Variants in CCDC102B observed in about 807,000 individuals in gnomAD.
The protein encoded by CCDC102B is coiled-coil domain-containing protein 102B.
A neutral mutation model predicts 57.4 loss-of-function variants in CCDC102B; 75 were observed. The observed-to-expected ratio is 1.31, with a 90% CI of 1.08 to 1.58. The LOEUF (loss-of-function observed/expected upper bound fraction) is 1.58, where lower values mean the gene tolerates loss of function less well. Ranked by LOEUF, CCDC102B falls within the 40% of genes most tolerant of loss-of-function variation. The pLI, the probability that CCDC102B is intolerant of heterozygous loss-of-function variation, is 0.00. For missense variants in CCDC102B, 636 were observed against 582.6 expected, an observed-to-expected ratio of 1.09 and a Z score of -0.94; for synonymous variants, 206 against 201.9, an observed-to-expected ratio of 1.02 and a Z score of -0.17.
intron 1 of CCDC102B, among the ~76,000 whole-genome samples, chr18:68,835,274 G>A (rs1182377890): frequency 6.6e-6 from 1 of 152,096 alleles, no homozygotes; most frequent in Admixed American, 6.6e-5. Flanking sequence ...TCTGTGTAGT[G>A]TTATCTATGC....
At chr18:68,771,541 C>G (rs1439038595) in intron 2 of CCDC102B, among the ~76,000 whole-genome samples, 1 of 152,142 alleles carries the variant, frequency 6.6e-6, no homozygotes, top group African/African-American at 2.4e-5. Flanking sequence ...ATCTTGCTCT[C>G]TGGGGTTTAG....
chr18:68,743,347 G>A (rs2033481114), intron 2 of CCDC102B, among the ~76,000 whole-genome samples: 2 of 152,172 alleles, frequency 1.3e-5, no homozygotes, highest in Admixed American at 6.5e-5. Context: ...GGTGGAGCCT[G>A]CAGTGAGCCA....
chr18:68,925,766 G>A (rs996459080), intron 6 of CCDC102B, among the ~76,000 whole-genome samples: 2 of 151,786 alleles, frequency 1.3e-5, no homozygotes, highest in African/African-American at 4.8e-5. Flanking sequence ...GTTTTATAAG[G>A]GTACATGCCA....
chr18:68,801,180 C>G (rs1031711560), intron 1 of CCDC102B, among the ~76,000 whole-genome samples: 1 of 151,954 alleles, frequency 6.6e-6, no homozygotes, highest in Non-Finnish European at 1.5e-5. Context: ...GGTCACTGAC[C>G]TTGAGATTTT....
intron 7 of CCDC102B, among the ~76,000 whole-genome samples, chr18:69,045,226 G>A (rs1358654519): frequency 7.9e-5 from 12 of 151,928 alleles, no homozygotes; most frequent in Non-Finnish European, 1.3e-4. Flanking sequence ...CGTATCAATA[G>A]TAAATTATTC....
chr18:69,035,169 T>C (rs1568139598), intron 7 of CCDC102B, among the ~76,000 whole-genome samples: 1 of 152,072 alleles, frequency 6.6e-6, no homozygotes, highest in Non-Finnish European at 1.5e-5. Context: ...AGAAACACTA[T>C]TGTTTATAGA....
intron 6 of CCDC102B, among the ~76,000 whole-genome samples, chr18:69,010,167 C>T (rs1464455048): frequency 7.5e-6 from 1 of 132,926 alleles, no homozygotes; most frequent in Non-Finnish European, 1.6e-5. Context: ...TGGTCTCCAT[C>T]TTCTGACCTC....
intron 6 of CCDC102B, among the ~76,000 whole-genome samples, chr18:68,967,291 A>G (rs762342115): frequency 1.4e-4 from 21 of 152,162 alleles, no homozygotes; most frequent in Non-Finnish European, 2.8e-4. Flanking sequence ...ATATTTTGTT[A>G]TACTCTTTAA....
intron 2 of CCDC102B, among the ~76,000 whole-genome samples, chr18:68,765,375 AAGAAAAG>A (rs1488482997): frequency 2.2e-4 from 31 of 143,914 alleles, no homozygotes; most frequent in African/African-American, 8.0e-4. Context: ...GAAAGAAAGA[AAGAAAAG>A]AAAGAAAGAA....
chr18:68,984,231 A>T (rs1034801127), intron 6 of CCDC102B, among the ~76,000 whole-genome samples: 8 of 152,048 alleles, frequency 5.3e-5, no homozygotes, highest in Admixed American at 2.6e-4. Context: ...GCTTGTTCCA[A>T]TACATGAATA....
At chr18:68,755,533 T>C (rs1341822632) in intron 2 of CCDC102B, among the ~76,000 whole-genome samples, 1 of 152,132 alleles carries the variant, frequency 6.6e-6, no homozygotes, top group African/African-American at 2.4e-5. Context: ...GATTTTTATA[T>C]TTATAAAAGC....
At chr18:69,010,164 C>A (rs2116269) in intron 6 of CCDC102B, among the ~76,000 whole-genome samples, 1 of 140,752 alleles carries the variant, frequency 7.1e-6, no homozygotes, top group African/African-American at 2.6e-5. Context: ...GGATGGTCTC[C>A]ATCTTCTGAC....
chr18:68,749,017 A>G (rs2033740043), intron 2 of CCDC102B, among the ~76,000 whole-genome samples: 2 of 152,170 alleles, frequency 1.3e-5, no homozygotes, highest in African/African-American at 2.4e-5. Context: ...TCCCATCACC[A>G]TTTATTAAAT....
exon 1 of CCDC102B, chr18:68,715,298 T>A: frequency 8.2e-7 from 1 of 1,218,476 alleles, no homozygotes; most frequent in South Asian, 1.9e-5. Context: ...GGGAAAACGG[T>A]GCTGGTTCAC....
At chr18:68,959,049 C>T (rs1211536061) in intron 6 of CCDC102B, among the ~76,000 whole-genome samples, 1 of 152,098 alleles carries the variant, frequency 6.6e-6, no homozygotes, top group Non-Finnish European at 1.5e-5. Context: ...CTTGGATTGT[C>T]TTGATGCTGT....
intron 2 of CCDC102B, among the ~76,000 whole-genome samples, chr18:68,765,310 AAGGAAGGAAG>A: frequency 5.1e-5 from 4 of 78,768 alleles, no homozygotes; most frequent in African/African-American, 1.7e-4. Flanking sequence ...GGAAGGAAGG[AAGGAAGGAAG>A]GAAGGAAAGA....
intron 6 of CCDC102B, among the ~76,000 whole-genome samples, chr18:68,925,056 A>G (rs2041431168): frequency 6.6e-6 from 1 of 152,020 alleles, no homozygotes. Flanking sequence ...AGGCACTCAG[A>G]AAGGATGCAT....
intron 5 of CCDC102B, among the ~76,000 whole-genome samples, chr18:68,891,348 T>G (rs1043838812): frequency 6.6e-6 from 1 of 152,218 alleles, no homozygotes; most frequent in African/African-American, 2.4e-5. Context: ...GTATCCAATA[T>G]TGGGGTTCCC....
intron 5 of CCDC102B, among the ~76,000 whole-genome samples, chr18:68,880,329 C>T (rs1181917448): frequency 6.6e-6 from 1 of 152,228 alleles, no homozygotes; most frequent in Non-Finnish European, 1.5e-5. Flanking sequence ...GGAACTCCAG[C>T]TGGCCCGCAA....
Sources: gnomAD v4.1 joint callset for allele counts (sites outside exome capture counted in the v4.1 genomes callset) on GRCh38, gnomAD v4.1.1 for gene constraint, MANE v1.5 for transcripts, NCBI Gene and HGNC (gene_info 2026-07-23, HGNC 2026-07-21) for gene names.